The following TSPO2 variants were observed in gnomAD, a reference collection of about 807,000 sequenced individuals.
TSPO2 encodes the protein translocator protein 2, also known as benzodiazapine receptor (peripheral)-like 1.
A neutral mutation model predicts 13.3 loss-of-function variants in TSPO2; 15 were observed. The observed-to-expected ratio is 1.13, with a 90% CI of 0.75 to 1.73. TSPO2 has a LOEUF of 1.73. Ranked by LOEUF, TSPO2 falls within the 40% of genes most tolerant of loss-of-function variation. The probability of loss-of-function intolerance (pLI) is 0.00; values close to 1 mark genes in which losing one functional copy is unlikely to be tolerated. For missense variants in TSPO2, 202 were observed against 198.3 expected (o/e 1.02, Z -0.11); for synonymous variants, 81 against 91.6 (o/e 0.88, Z 0.66).
At position 41,042,617 on chromosome 6, in the gene TSPO2, T is replaced by C. The variant is rs1465147712; in HGVS notation, c.-182T>C. The C allele has an allele frequency of 2.1e-6, 1 of 466,156 alleles. No individual in the cohort carries two copies. The highest frequency in any genetic ancestry group is 1.6e-5 in the South Asian group (1 of 62,012). The allele number at this position is 466,156 out of a possible 1,614,324, so 28.9% of individuals were successfully genotyped here. A position where few individuals can be genotyped will look rare whatever the true frequency, so the allele number is the denominator to read the frequency against. On this transcript the variant is annotated 5_prime_UTR_variant, in exon 1 of 4. Transcript: ENST00000373161. The stretch of plus-strand genomic sequence containing the variant: ...ACATACCTGGCTAAGCGCTGCCCAC[T>C]GCAGAAAAGCTCATCACCCGGGACC...
chr6:41,044,208 T>C lies in TSPO2; in HGVS notation c.*71T>C. 1.3e-6 allele frequency: 2 copies of C among 1,549,622 alleles called. No individual in the cohort carries two copies. The highest frequency in any genetic ancestry group is 2.3e-5 in the East Asian group (1 of 43,950). ...GAGTCTGCAAGCAGGGCTGTGGAGT[T>C]AGGGTTCACCCCAATGGGACCACCC... is the stretch of plus-strand genomic sequence containing the variant. On this transcript the variant is annotated 3_prime_UTR_variant, in exon 4 of 4. Transcript: ENST00000373161.
At chr6:41,043,723 A>C in intron 3 of TSPO2, 25 bp downstream of exon 3, 1 of 1,576,534 alleles carries the variant, frequency 6.3e-7, no homozygotes, top group Non-Finnish European at 8.6e-7. Flanking sequence ...GCTCAGTAGC[A>C]GAAGTAATGT....
chr6:41,043,159 G>A lies in TSPO2; in HGVS notation c.173+1G>A, dbSNP rs760998697. On this transcript the variant is annotated splice_donor_variant, in intron 2 of 3. Coordinates refer to ENST00000373161, the MANE Select transcript of TSPO2 (RefSeq NM_001010873.3). LOFTEE classifies it high-confidence loss of function. ...AGACAGCCATCTACTCTGTCGTGGG[G>A]TGAGTACTTGTTTCTCACACATGGC... is the stretch of plus-strand genomic sequence containing the variant. The A allele has an allele frequency of 3.1e-6, 5 of 1,606,992 alleles. No homozygotes were observed. The highest frequency in any genetic ancestry group is 4.3e-6 in the Non-Finnish European group (5 of 1,176,174).
intron 2 of TSPO2, 90 bp from the exon 3 acceptor site, chr6:41,043,467 G>T (rs189333207): frequency 6.8e-7 from 1 of 1,480,040 alleles, no homozygotes; most frequent in Admixed American, 2.2e-5. Context: ...CAGCCCACAA[G>T]GGTATCCAAG....
intron 2 of TSPO2, 28 bp downstream of exon 2, chr6:41,043,186 C>T: frequency 6.3e-7 from 1 of 1,589,794 alleles, no homozygotes; most frequent in South Asian, 1.1e-5. Context: ...ACACATGGCC[C>T]TGGTACCCAA....
At chr6:41,041,792 A>G (rs1374302193), upstream of TSPO2, among the ~76,000 whole-genome samples, 1 of 152,198 alleles carries the variant, frequency 6.6e-6, no homozygotes, top group Admixed American at 6.5e-5. Context: ...CCTGACCAAC[A>G]TGGCAAAACC....
upstream of TSPO2, among the ~76,000 whole-genome samples, chr6:41,042,048 CCTT>C (rs1349315528): frequency 6.6e-6 from 1 of 151,740 alleles, no homozygotes; most frequent in Non-Finnish European, 1.5e-5. Context: ...TGTTTTCTCT[CCTT>C]CAAATCTGGT....
At chr6:41,043,487 G>A (rs1762623292) in intron 2 of TSPO2, 70 bp from the exon 3 acceptor site, 1 of 1,519,534 alleles carries the variant, frequency 6.6e-7, no homozygotes, top group Non-Finnish European at 8.8e-7. Flanking sequence ...GAGTCCTTAT[G>A]CCAGAGAGCC....
chr6:41,043,222 C>G, intron 2 of TSPO2, 64 bp downstream of exon 2: 1 of 1,531,688 alleles, frequency 6.5e-7, no homozygotes, highest in Non-Finnish European at 8.8e-7. Flanking sequence ...TCCTCTATAT[C>G]TGAATTACTC....
upstream of TSPO2, among the ~76,000 whole-genome samples, chr6:41,041,496 G>A (rs1490716501): frequency 1.3e-5 from 2 of 152,204 alleles, no homozygotes; most frequent in Non-Finnish European, 2.9e-5. Context: ...AAAGAGGATG[G>A]GGGCAGGGAG....
At chr6:41,042,941 A>G (rs753253007) in intron 1 of TSPO2, 25 bp from the exon 2 acceptor site, 3 of 1,609,782 alleles carry the variant, frequency 1.9e-6, no homozygotes, top group African/African-American at 1.3e-5. Flanking sequence ...AAGGCTCATC[A>G]CTAGCATGTT....
upstream of TSPO2, among the ~76,000 whole-genome samples, chr6:41,041,512 G>A (rs574984621): frequency 2.0e-5 from 3 of 152,360 alleles, no homozygotes; most frequent in East Asian, 5.8e-4. Flanking sequence ...GGGAGGGGCA[G>A]GGAGGGGGCC....
At position 41,043,581 on chromosome 6, in the gene TSPO2, G is replaced by C; in HGVS notation, c.198G>C (p.Lys66Asn). 3.7e-6 allele frequency: 6 copies of C among 1,604,808 alleles called. No individual in the cohort carries two copies. Among genetic ancestry groups the C allele is most frequent in the Non-Finnish European group, 5.1e-6 (6 of 1,175,580 alleles). Residue 66 changes from lysine (K) to asparagine (N), a missense_variant, in exon 3 of 4, where the codon AAG becomes AAC. Coordinates refer to ENST00000373161, the MANE Select transcript of TSPO2 (RefSeq NM_001010873.3). Reference protein sequence around the residue: ...VVGYASYLVWKDLGGGLGWPL... With the variant: ...VVGYASYLVWNDLGGGLGWPL... ...GCTATGCCTCCTACCTGGTGTGGAAGGACCTGGGAGGGGGCTTGGGGTGGC... is the reference window on the plus strand; with the variant it reads ...GCTATGCCTCCTACCTGGTGTGGAACGACCTGGGAGGGGGCTTGGGGTGGC...
intron 2 of TSPO2, 45 bp downstream of exon 2, chr6:41,043,203 G>T: frequency 6.4e-7 from 1 of 1,570,058 alleles, no homozygotes; most frequent in South Asian, 1.2e-5. Flanking sequence ...CCAATGGGGT[G>T]GGAACAAGTC....
chr6:41,043,002 C>T lies in TSPO2; in HGVS notation c.17C>T (p.Ala6Val). The stretch of plus-strand genomic sequence containing the variant: ...TCAAGGTGAATGCGGCTTCAAGGGG[C>T]TATCTTTGTGCTCCTGCCCCACCTG... MRLQG[A>V]IFVLLPHLGP... The change falls in exon 2 of 4, where the codon GCT (alanine) becomes GTT (valine). Residue 6 changes from alanine to valine, a missense_variant. Coordinates refer to ENST00000373161, the MANE Select transcript of TSPO2 (RefSeq NM_001010873.3). 1 of 1,613,944 alleles carries T rather than the reference C, an allele frequency of 6.2e-7. No homozygotes were observed.
chr6:41,043,816 T>C, intron 3 of TSPO2, 118 bp downstream of exon 3: 1 of 1,511,364 alleles, frequency 6.6e-7, no homozygotes, highest in Non-Finnish European at 9.0e-7. Flanking sequence ...GTGGGCAGAC[T>C]TCTCTGCACT....
In TSPO2 at chr6:41,044,069, A is replaced by G. The variant is rs771760515; in HGVS notation, c.445A>G (p.Thr149Ala). ...CTGGCTCACCGTGACTTCAGCCCTC[A>G]CCTACCACCTGTGGAGGGACAGCCT... is the stretch of plus-strand genomic sequence containing the variant. The part of the protein sequence containing the change: ...LAWLTVTSAL[T>A]YHLWRDSLCP... Residue 149 changes from threonine to alanine, a missense_variant, in exon 4 of 4, where the codon ACC becomes GCC. Thr to Ala is a moderately conservative substitution (Grantham distance 58). Transcript: ENST00000373161. 16 of 1,614,042 alleles carry G rather than the reference A, an allele frequency of 9.9e-6. No homozygotes were observed. The Middle Eastern group carries it at 8.2e-4, about 83-fold the overall frequency.
upstream of TSPO2, among the ~76,000 whole-genome samples, chr6:41,041,785 G>T (rs1762592255): frequency 1.3e-5 from 2 of 152,212 alleles, no homozygotes; most frequent in South Asian, 4.1e-4. Flanking sequence ...AGACCAGCCT[G>T]ACCAACATGG....
chr6:41,041,388 A>AT (rs1487892963), upstream of TSPO2, among the ~76,000 whole-genome samples: 2 of 151,886 alleles, frequency 1.3e-5, no homozygotes, highest in African/African-American at 4.8e-5. Flanking sequence ...CACACATCAT[A>AT]TGTCATCAGG....
Sources: gnomAD v4.1 joint callset for allele counts (sites outside exome capture counted in the v4.1 genomes callset) on GRCh38, gnomAD v4.1.1 for gene constraint, MANE v1.5 for transcripts, NCBI Gene and HGNC (gene_info 2026-07-23, HGNC 2026-07-21) for gene names.